Variants in KCNK13 observed in about 807,000 individuals in gnomAD.
KCNK13 encodes the protein potassium channel subfamily K member 13.
Under a neutral mutation model 23.4 loss-of-function variants are expected in KCNK13, and 12 were observed. The observed-to-expected ratio is 0.51, with a 90% CI of 0.33 to 0.83. KCNK13 has a LOEUF of 0.83. KCNK13 is among the 40% of genes least tolerant of loss of function. The pLI, the probability that KCNK13 is intolerant of heterozygous loss-of-function variation, is 0.02. For missense variants in KCNK13, 463 were observed against 556.3 expected, an observed-to-expected ratio of 0.83 and a Z score of 1.69; for synonymous variants, 231 against 229.5, an observed-to-expected ratio of 1.01 and a Z score of -0.06.
rs371001366 is a variant in KCNK13 at position 90,134,601 on chromosome 14, C to T, written c.335-49510C>T. Among the ~76,000 whole-genome samples, 358 of 152,292 alleles carry T rather than the reference C, an allele frequency of 2.4e-3. 13 individuals carry two copies. In the South Asian group the frequency reaches 0.071, roughly 30 times the overall value. Reference sequence around the variant, plus strand: ...AGGTGTTCACAATAATAGCAGCTCACGTTATTTAACTCTTATGTGCTAAGT... The same window carrying T: ...AGGTGTTCACAATAATAGCAGCTCATGTTATTTAACTCTTATGTGCTAAGT... On this transcript the variant is annotated intron_variant, in intron 1 of 1. Coordinates refer to ENST00000282146, the MANE Select transcript of KCNK13 (RefSeq NM_022054.4).
chr14:90,112,443 G>A (rs1419609087), intron 1 of KCNK13, among the ~76,000 whole-genome samples: 1 of 152,178 alleles, frequency 6.6e-6, no homozygotes, highest in Non-Finnish European at 1.5e-5. Context: ...GAGCCATTCA[G>A]TTCTTCCGTG....
At chr14:90,115,695 T>TA (rs1224792227) in intron 1 of KCNK13, among the ~76,000 whole-genome samples, 3 of 151,852 alleles carry the variant, frequency 2.0e-5, no homozygotes, top group Non-Finnish European at 4.4e-5. Context: ...AACGTGTTAT[T>TA]AAAAAAAAGA....
At chr14:90,161,702 A>G (rs190907193) in intron 1 of KCNK13, among the ~76,000 whole-genome samples, 1 of 152,226 alleles carries the variant, frequency 6.6e-6, no homozygotes, top group Non-Finnish European at 1.5e-5. Context: ...TCCACAAATG[A>G]ATCTCTAAAT....
At chr14:90,139,822 C>T (rs773968252) in intron 1 of KCNK13, among the ~76,000 whole-genome samples, 1 of 152,034 alleles carries the variant, frequency 6.6e-6, no homozygotes, top group Non-Finnish European at 1.5e-5. Context: ...ATTAGCCGGG[C>T]GTCATGGCAC....
chr14:90,167,548 T>G (rs1890317226), intron 1 of KCNK13, among the ~76,000 whole-genome samples: 1 of 152,162 alleles, frequency 6.6e-6, no homozygotes, highest in South Asian at 2.1e-4. Context: ...GATTTGTAGG[T>G]AAGGCTCAGG....
At chr14:90,097,127 C>A (rs916402685) in intron 1 of KCNK13, among the ~76,000 whole-genome samples, 2 of 152,150 alleles carry the variant, frequency 1.3e-5, no homozygotes, top group Non-Finnish European at 2.9e-5. Flanking sequence ...TTCCTATACA[C>A]CCAGAAATGC....
intron 1 of KCNK13, among the ~76,000 whole-genome samples, chr14:90,070,815 C>T (rs1241785760): frequency 6.6e-6 from 1 of 152,100 alleles, no homozygotes; most frequent in Non-Finnish European, 1.5e-5. Context: ...AATGTGTGGT[C>T]GTGGGGAATG....
chr14:90,102,818 C>G (rs2140407471), intron 1 of KCNK13, among the ~76,000 whole-genome samples: 1 of 152,008 alleles, frequency 6.6e-6, no homozygotes, highest in East Asian at 1.9e-4. Context: ...GATTTTTTTC[C>G]TCCAACTTTT....
At chr14:90,133,458 C>T (rs1295338172) in intron 1 of KCNK13, among the ~76,000 whole-genome samples, 2 of 151,924 alleles carry the variant, frequency 1.3e-5, no homozygotes, top group African/African-American at 4.8e-5. Flanking sequence ...ACGGTGGAGA[C>T]TGTAGAGATG....
At chr14:90,159,094 C>A (rs1890225063) in intron 1 of KCNK13, among the ~76,000 whole-genome samples, 1 of 152,184 alleles carries the variant, frequency 6.6e-6, no homozygotes, top group Non-Finnish European at 1.5e-5. Context: ...CAGGCAAAGG[C>A]CTTCTTGTTG....
rs1890530479 is a variant in KCNK13, at chr14:90,184,808, G to A, written c.1032G>A (p.Gly344=). Residue 344 remains glycine (G), a synonymous_variant, in exon 2 of 2, where the codon GGG becomes GGA. Transcript: ENST00000282146. This position sits in a 1 kb window ranked among gnomAD's most constrained non-coding sequence, Gnocchi z 5.6. ...ACACGGACGGGCGCCGGCTCTCAGG[G>A]GAGATGATCTCCATGAAGGACTTGC... ...ESDTDGRRLS[G]EMISMKDLLA... 1.2e-6 allele frequency: 2 copies of A among 1,612,888 alleles called. No individual in the cohort carries two copies. Among genetic ancestry groups the A allele is most frequent in the Non-Finnish European group, 1.7e-6 (2 of 1,179,066 alleles).
intron 1 of KCNK13, among the ~76,000 whole-genome samples, chr14:90,118,814 A>G (rs1889705436): frequency 6.6e-6 from 1 of 152,156 alleles, no homozygotes; most frequent in Non-Finnish European, 1.5e-5. Context: ...AGGAAAGTAG[A>G]GGCATGAAAA....
At chr14:90,178,012 GAC>G (rs1890441925) in intron 1 of KCNK13, among the ~76,000 whole-genome samples, 1 of 152,146 alleles carries the variant, frequency 6.6e-6, no homozygotes, top group African/African-American at 2.4e-5. Flanking sequence ...ACACACTGCA[GAC>G]ACACAAAGTT....
rs79217225 is a variant in KCNK13 at position 90,144,324 on chromosome 14, C to T, written c.335-39787C>T. ...TTTTTGATGCTATTGTACATGATAT[C>T]TTAGTTCCATTTTTTATTGTCCATC... On this transcript the variant is annotated intron_variant, in intron 1 of 1. Coordinates refer to ENST00000282146, the MANE Select transcript of KCNK13 (RefSeq NM_022054.4). Among the ~76,000 whole-genome samples the T allele has an allele frequency of 3.9e-5, 6 of 152,008 alleles. No homozygotes were observed. The East Asian group carries it at 9.7e-4, about 24-fold the overall frequency.
chr14:90,123,623 G>T (rs1174220850), intron 1 of KCNK13, among the ~76,000 whole-genome samples: 1 of 152,068 alleles, frequency 6.6e-6, no homozygotes, highest in Non-Finnish European at 1.5e-5. Flanking sequence ...GTGAGATATG[G>T]CTATTAGTAG....
intron 1 of KCNK13, among the ~76,000 whole-genome samples, chr14:90,116,976 G>T (rs1383765466): frequency 6.6e-6 from 1 of 152,152 alleles, no homozygotes; most frequent in Non-Finnish European, 1.5e-5. Context: ...ATGATACTGT[G>T]TTTCCTGCAC....
intron 1 of KCNK13, among the ~76,000 whole-genome samples, chr14:90,175,760 G>A (rs11850697): frequency 6.6e-6 from 1 of 152,270 alleles, no homozygotes; most frequent in East Asian, 1.9e-4. Flanking sequence ...CCTGGGCTCA[G>A]CTGGCAGTTC....
chr14:90,069,820 T>C (rs1244799003), intron 1 of KCNK13, among the ~76,000 whole-genome samples: 1 of 152,216 alleles, frequency 6.6e-6, no homozygotes, highest in African/African-American at 2.4e-5. Context: ...AAGTTATTAC[T>C]AATTCCATTT....
rs148580736 is a variant in KCNK13 at position 90,155,388 on chromosome 14, G to A, written c.335-28723G>A. On this transcript the variant is annotated intron_variant, in intron 1 of 1. Transcript: ENST00000282146. ...GGGGAAGATTGGGGCAGCTTTGTGG[G>A]CTCTTGGAAAGACTTTGGTTTTCAC... Among the ~76,000 whole-genome samples, 107 of 152,266 alleles carry A rather than the reference G, an allele frequency of 7.0e-4. No individual in the cohort carries two copies. The East Asian group carries it at 0.018, about 26-fold the overall frequency.
Sources: allele counts gnomAD v4.1 joint callset (sites outside exome capture counted in the v4.1 genomes callset), GRCh38; gene constraint gnomAD v4.1.1; non-coding constraint Gnocchi (gnomAD v3.1); transcripts MANE v1.5; gene names NCBI Gene and HGNC (gene_info 2026-07-23, HGNC 2026-07-21).